Variants in HNF1B observed in about 807,000 individuals in gnomAD.
HNF1B encodes the protein hepatocyte nuclear factor 1-beta.
In HNF1B, 8 loss-of-function variants were observed where a neutral mutation model predicts 61.7. The ratio of observed to expected loss-of-function variants is 0.13; its 90% CI spans 0.08 to 0.23. The LOEUF (loss-of-function observed/expected upper bound fraction) is 0.23, where lower values mean the gene tolerates loss of function less well. HNF1B is among the 10% of genes least tolerant of loss of function. The pLI is 1.00. For synonymous variants in HNF1B, 314 were observed against 287.7 expected (o/e 1.09, Z -0.93); for missense variants, 562 against 714.5 (o/e 0.79, Z 2.43).
Position 37,699,094 on chromosome 17 carries a change from G to T in HNF1B, c.1635C>A (p.Asn545Lys). ...GCATTACCTGTTTACTTGAAGACAT[G>T]TTGGTGAGTGTACTGATGCTGCTGG... The part of the protein sequence containing the change: ...TDTSSISTLT[N>K]MSSSKQCPLQ... Residue 545 changes from asparagine (N) to lysine (K), a missense_variant, in exon 8 of 9, where the codon AAC (asparagine) becomes AAA (lysine). Around this residue, in one of 6 missense-constraint regions of HNF1B, gnomAD observed 64 missense variants for 96.9 expected, o/e 0.66. Transcript: ENST00000617811. 6.2e-7 allele frequency: 1 copy of T among 1,613,306 alleles called. No individual in the cohort carries two copies. Among genetic ancestry groups the T allele is most frequent in the Non-Finnish European group, 8.5e-7 (1 of 1,179,258 alleles).
chr17:37,709,496 T>G (rs1341334976), intron 5 of HNF1B, among the ~76,000 whole-genome samples: 1 of 152,058 alleles, frequency 6.6e-6, no homozygotes, highest in Admixed American at 6.6e-5. Context: ...CCTCAAGTGA[T>G]CCACCTGCCT....
At chr17:37,722,163 C>T (rs1598829339) in intron 4 of HNF1B, among the ~76,000 whole-genome samples, 1 of 152,308 alleles carries the variant, frequency 6.6e-6, no homozygotes, top group Middle Eastern at 3.4e-3. Context: ...AAATGACAAG[C>T]AGGGTTCATG....
intron 4 of HNF1B, among the ~76,000 whole-genome samples, chr17:37,718,279 C>A (rs148641747): frequency 1.6e-4 from 25 of 152,298 alleles, no homozygotes; most frequent in African/African-American, 5.8e-4. Flanking sequence ...TGTCCTCCCC[C>A]ACAAGGTCTA....
chr17:37,716,022 T>G (rs1157768581), intron 4 of HNF1B, among the ~76,000 whole-genome samples: 2 of 151,894 alleles, frequency 1.3e-5, no homozygotes, highest in East Asian at 3.9e-4. Context: ...CTAGGCATAG[T>G]GGTGTAATCC....
intron 3 of HNF1B, 141 bp downstream of exon 3, chr17:37,733,416 T>A (rs1405189778): frequency 2.5e-5 from 24 of 944,310 alleles, no homozygotes; most frequent in Non-Finnish European, 3.0e-5. Context: ...GATATTGGGG[T>A]TCTGTGGAAC....
At chr17:37,710,828 A>G (rs2032911556) in intron 4 of HNF1B, among the ~76,000 whole-genome samples, 165 bp from the exon 5 acceptor site, 1 of 152,194 alleles carries the variant, frequency 6.6e-6, no homozygotes, top group South Asian at 2.1e-4. Flanking sequence ...CAGGGTAAAT[A>G]TGGCATGTTC....
chr17:37,717,562 G>A (rs2033165680), intron 4 of HNF1B, among the ~76,000 whole-genome samples: 1 of 152,188 alleles, frequency 6.6e-6, no homozygotes, highest in Admixed American at 6.5e-5. Context: ...TCATTATGTT[G>A]GGGAGATGAC....
chr17:37,726,215 C>T (rs2033492457), intron 4 of HNF1B, among the ~76,000 whole-genome samples: 1 of 151,968 alleles, frequency 6.6e-6, no homozygotes, highest in Admixed American at 6.6e-5. Flanking sequence ...TTAGCATCTG[C>T]ATAAAGCAAA....
intron 4 of HNF1B, among the ~76,000 whole-genome samples, chr17:37,712,782 C>T (rs965142120): frequency 2.0e-5 from 3 of 152,128 alleles, no homozygotes; most frequent in African/African-American, 7.2e-5. Flanking sequence ...CAACAGGACT[C>T]TTTTTGGATT....
intron 4 of HNF1B, chr17:37,720,610 G>T (rs772476517): frequency 1.1e-5 from 2 of 181,622 alleles, no homozygotes; most frequent in Admixed American, 6.5e-5. Context: ...AAAACAGGGG[G>T]TTTCTGCATA....
intron 4 of HNF1B, chr17:37,731,380 T>G (rs1341746333): frequency 1.5e-6 from 1 of 670,638 alleles, no homozygotes; most frequent in African/African-American, 1.8e-5. Context: ...GGAAGCCGAG[T>G]GAGCCCTCAC....
In HNF1B at chr17:37,733,667, G is replaced by A. The variant is rs1365215108; in HGVS notation, c.699C>T (p.Arg233=). ...CSEPTNKKMR[R]NRFKWGPASQ... ...ACGCGGGCCCCCATTTGAACCGGTTGCGGCGCATCTTCTTGTTGGTGGGCT... is the reference window on the plus strand; with the variant it reads ...ACGCGGGCCCCCATTTGAACCGGTTACGGCGCATCTTCTTGTTGGTGGGCT... Residue 233 remains arginine, a synonymous_variant, in exon 3 of 9, where the codon CGC becomes CGT. Coordinates refer to ENST00000617811, the MANE Select transcript of HNF1B (RefSeq NM_000458.4). 2.5e-6 allele frequency: 4 copies of A among 1,614,076 alleles called. No homozygotes were observed. The Admixed American group carries it at 6.7e-5, about 27-fold the overall frequency.
At chr17:37,737,379 TCTC>T (rs2033862629) in intron 2 of HNF1B, among the ~76,000 whole-genome samples, 2 of 152,190 alleles carry the variant, frequency 1.3e-5, no homozygotes, top group Non-Finnish European at 2.9e-5. Context: ...TACTCAAACA[TCTC>T]CACTTCTTCA....
intron 4 of HNF1B, among the ~76,000 whole-genome samples, chr17:37,711,892 A>G (rs1281235680): frequency 1.3e-5 from 2 of 152,140 alleles, no homozygotes; most frequent in African/African-American, 2.4e-5. Context: ...TGCCCTAGCT[A>G]GAGCCCCACC....
chr17:37,691,858 G>C (rs113242784), intron 8 of HNF1B, among the ~76,000 whole-genome samples: 1 of 152,158 alleles, frequency 6.6e-6, no homozygotes, highest in African/African-American at 2.4e-5. Context: ...GGGGATAGAT[G>C]ATGAGGCCAC....
intron 1 of HNF1B, among the ~76,000 whole-genome samples, chr17:37,742,856 C>A (rs1284573648): frequency 6.6e-6 from 1 of 151,494 alleles, no homozygotes; most frequent in East Asian, 1.9e-4. Context: ...CCGCACGGGG[C>A]GCCTGGCTGG....
chr17:37,741,172 A>G (rs932844220), intron 1 of HNF1B, among the ~76,000 whole-genome samples: 3 of 152,224 alleles, frequency 2.0e-5, no homozygotes, highest in African/African-American at 7.2e-5. Context: ...CAGCATTGCA[A>G]CATAATAAGC....
intron 3 of HNF1B, 33 bp from the exon 4 acceptor site, chr17:37,731,863 G>C (rs745398521): frequency 1.4e-6 from 2 of 1,389,680 alleles, no homozygotes; most frequent in Admixed American, 1.7e-5. Flanking sequence ...TGGTGAGTGA[G>C]GGGGGGCGGG....
At chr17:37,690,969 A>C (rs2032181819) in intron 8 of HNF1B, among the ~76,000 whole-genome samples, 1 of 152,186 alleles carries the variant, frequency 6.6e-6, no homozygotes. Context: ...AGATGAGAAG[A>C]GGCCAAAGAA....
Sources: gnomAD v4.1 joint callset for allele counts (sites outside exome capture counted in the v4.1 genomes callset) on GRCh38, gnomAD v4.1.1 for gene constraint, gnomAD v4.1.1 regional missense constraint, MANE v1.5 for transcripts, NCBI Gene and HGNC (gene_info 2026-07-23, HGNC 2026-07-21) for gene names.